The following BRCA1 variants were observed in gnomAD, a reference collection of about 807,000 sequenced individuals.
BRCA1 encodes the protein breast cancer type 1 susceptibility protein.
Under a neutral mutation model 173.7 loss-of-function variants are expected in BRCA1, and 140 were observed. That is an observed-to-expected ratio of 0.81 (90% CI 0.70 to 0.93). BRCA1 has a LOEUF of 0.93. Among genes scored for constraint, BRCA1 ranks in the 40% least tolerant of loss-of-function variants. The probability of loss-of-function intolerance (pLI) is 0.00; values close to 1 mark genes in which losing one functional copy is unlikely to be tolerated. For synonymous variants in BRCA1, 662 were observed against 756.0 expected (o/e 0.88, Z 2.04); for missense variants, 1,983 against 2,172.5 (o/e 0.91, Z 1.73).
intron 19 of BRCA1, among the ~76,000 whole-genome samples, chr17:43,055,435 G>T (rs1189026708): frequency 6.6e-6 from 1 of 152,054 alleles, no homozygotes; most frequent in East Asian, 1.9e-4. Flanking sequence ...ATCACTGGAG[G>T]CCAGGAGATC....
chr17:43,144,116 G>C (rs1480012022), intron 1 of BRCA1: 1 of 167,556 alleles, frequency 6.0e-6, no homozygotes, highest in Non-Finnish European at 1.3e-5. Context: ...CCACCTACTC[G>C]GGAGGCTGAG....
chr17:43,052,899 C>T (rs1235356144), intron 19 of BRCA1, among the ~76,000 whole-genome samples: 20 of 141,576 alleles, frequency 1.4e-4, no homozygotes, highest in African/African-American at 1.9e-4. Context: ...TTTTTTGAGA[C>T]GCAGTCTTGC....
At chr17:43,162,728 C>T (rs867553760) in intron 1 of BRCA1, 2 of 152,110 alleles carry the variant, frequency 1.3e-5, no homozygotes, top group African/African-American at 4.8e-5. Flanking sequence ...AAATGAGTTC[C>T]GCAATGAGTT....
intron 1 of BRCA1, among the ~76,000 whole-genome samples, chr17:43,155,476 C>T (rs2056191042): frequency 6.6e-6 from 1 of 152,130 alleles, no homozygotes; most frequent in South Asian, 2.1e-4. Context: ...AGCAGTCTTC[C>T]TGCTTTGGCT....
At chr17:43,160,205 C>G (rs531700582) in intron 1 of BRCA1, 64 of 152,208 alleles carry the variant, frequency 4.2e-4, no homozygotes, top group African/African-American at 1.5e-3. Flanking sequence ...CCACACCTGG[C>G]TAATTTTTTT....
At chr17:43,123,210 G>C (rs867697443) in intron 2 of BRCA1, among the ~76,000 whole-genome samples, 1 of 151,560 alleles carries the variant, frequency 6.6e-6, no homozygotes, top group Admixed American at 6.6e-5. Flanking sequence ...CCAGCCTCTC[G>C]ACAGAGATCC....
chr17:43,132,936 T>C (rs1385286804), intron 1 of BRCA1: 1 of 151,896 alleles, frequency 6.6e-6, no homozygotes, highest in African/African-American at 2.4e-5. Context: ...GCTAATTTTT[T>C]TTTTTCTTTG....
At chr17:43,050,320 T>C (rs2153009780) in intron 20 of BRCA1, 1 of 369,124 alleles carries the variant, frequency 2.7e-6, no homozygotes, top group Non-Finnish European at 4.8e-6. Context: ...AAAATGTTCA[T>C]GGAGAGGGCT....
chr17:43,130,694 CTG>C (rs2055958031), intron 1 of BRCA1, among the ~76,000 whole-genome samples: 2 of 152,282 alleles, frequency 1.3e-5, no homozygotes, highest in East Asian at 3.9e-4. Flanking sequence ...TATGGTAACA[CTG>C]TGAGATCGGC....
intron 1 of BRCA1, chr17:43,169,859 G>C (rs527928929): frequency 2.7e-5 from 9 of 338,204 alleles, no homozygotes; most frequent in Non-Finnish European, 4.7e-5. Flanking sequence ...GCGAGCTCAC[G>C]ACGCGCAGTC....
chr17:43,133,904 G>C (rs2055993381), intron 1 of BRCA1, among the ~76,000 whole-genome samples: 1 of 152,138 alleles, frequency 6.6e-6, no homozygotes, highest in Admixed American at 6.6e-5. Context: ...CAAAGTGCTA[G>C]GATTACAGGC....
intron 13 of BRCA1, among the ~76,000 whole-genome samples, chr17:43,075,124 G>A (rs1362400749): frequency 1.3e-5 from 2 of 151,904 alleles, no homozygotes; most frequent in Non-Finnish European, 2.9e-5. Flanking sequence ...AAGCAGGTCA[G>A]CAAATTTTTA....
chr17:43,078,577 G>A (rs2052850832), intron 12 of BRCA1, among the ~76,000 whole-genome samples: 1 of 152,088 alleles, frequency 6.6e-6, no homozygotes, highest in African/African-American at 2.4e-5. Context: ...GCTTTTATTA[G>A]AAAAGCTAAA....
At chr17:43,050,109 G>A in intron 20 of BRCA1, 1 of 398,578 alleles carries the variant, frequency 2.5e-6, no homozygotes, top group East Asian at 3.6e-5. Flanking sequence ...GTGACCAGAT[G>A]CTAAGGCCTT....
At chr17:43,150,499 C>T (rs1463992487) in intron 1 of BRCA1, among the ~76,000 whole-genome samples, 1 of 152,164 alleles carries the variant, frequency 6.6e-6, no homozygotes, top group Admixed American at 6.5e-5. Context: ...CCATCCAGTC[C>T]AGTCTCATGA....
At position 43,044,363 on chromosome 17, in the gene BRCA1, A is replaced by C. The variant is rs1409506810; in HGVS notation, c.*1315T>G. The C allele has an allele frequency of 2.0e-6, 1 of 501,168 alleles. No homozygotes were observed. The highest frequency in any genetic ancestry group is 2.3e-5 in the Admixed American group (1 of 43,672). 31.0% of individuals were successfully genotyped at this position (501,168 alleles called of 1,614,324 possible). On this transcript the variant is annotated 3_prime_UTR_variant, in exon 23 of 23. Transcript: ENST00000357654. The stretch of plus-strand genomic sequence containing the variant: ...AACATTTACAAAACGTATTTTGTAC[A>C]ATCAAGTCTTCACTGCCCTTGCACA...
chr17:43,111,090 G>C (rs974800204), intron 3 of BRCA1, among the ~76,000 whole-genome samples: 4 of 135,614 alleles, frequency 2.9e-5, no homozygotes, highest in African/African-American at 1.1e-4. Flanking sequence ...AACAGAACAA[G>C]ACTCCATCTC....
intron 4 of BRCA1, among the ~76,000 whole-genome samples, chr17:43,106,167 A>C (rs1182497606): frequency 6.6e-6 from 1 of 151,932 alleles, no homozygotes; most frequent in Non-Finnish European, 1.5e-5. Flanking sequence ...ATATAAAAAC[A>C]AGATTAACAG....
chr17:43,131,324 C>T, intron 1 of BRCA1: 1 of 473,794 alleles, frequency 2.1e-6, no homozygotes. Context: ...GATCTTATTT[C>T]TCCAGTGATA....
Sources: gnomAD v4.1 joint callset for allele counts (sites outside exome capture counted in the v4.1 genomes callset) on GRCh38, gnomAD v4.1.1 for gene constraint, MANE v1.5 for transcripts, NCBI Gene and HGNC (gene_info 2026-07-23, HGNC 2026-07-21) for gene names.